Variants in KHDRBS2 observed in about 807,000 individuals in gnomAD.
KHDRBS2 encodes KH domain-containing, RNA-binding, signal transduction-associated protein 2.
Under a neutral mutation model 44.3 loss-of-function variants are expected in KHDRBS2, and 26 were observed. The observed-to-expected ratio is 0.59, with a 90% CI of 0.43 to 0.81. KHDRBS2 has a LOEUF of 0.81. KHDRBS2 is among the 40% of genes least tolerant of loss of function. The pLI is 0.00. For synonymous variants in KHDRBS2, 194 were observed against 151.1 expected, an observed-to-expected ratio of 1.28 and a Z score of -2.08; for missense variants, 476 against 433.1, an observed-to-expected ratio of 1.10 and a Z score of -0.88.
chr6:61,612,110 C>T, the KHDRBS2 span, among the ~76,000 whole-genome samples: 2 of 147,634 alleles, frequency 1.4e-5, no homozygotes, highest in Non-Finnish European at 1.5e-5. Flanking sequence ...TAGAAAAAAT[C>T]TTTAAAATAT....
At chr6:61,914,000 G>A (rs773078854) in intron 4 of KHDRBS2, among the ~76,000 whole-genome samples, 6 of 152,050 alleles carry the variant, frequency 3.9e-5, no homozygotes, top group Non-Finnish European at 8.8e-5. Context: ...ATAACAGAAG[G>A]CCTAAGGAAT....
intron 6 of KHDRBS2, among the ~76,000 whole-genome samples, chr6:61,808,010 A>T (rs1351596929): frequency 6.6e-6 from 1 of 152,102 alleles, no homozygotes; most frequent in Non-Finnish European, 1.5e-5. Context: ...TTTTTCAGTC[A>T]CTTAAAGCAA....
chr6:62,204,595 T>G (rs1437816601), intron 1 of KHDRBS2, among the ~76,000 whole-genome samples: 1 of 152,140 alleles, frequency 6.6e-6, no homozygotes, highest in East Asian at 1.9e-4. Flanking sequence ...TTTCAGATTT[T>G]GGATTTTCAG....
chr6:61,558,381 G>A, the KHDRBS2 span, among the ~76,000 whole-genome samples: 31,806 of 151,782 alleles, frequency 0.21, 3,581 homozygotes, highest in East Asian at 0.29. Flanking sequence ...GAGCAACATG[G>A]CAAAACCCTG....
the KHDRBS2 span, among the ~76,000 whole-genome samples, chr6:61,545,301 A>G: frequency 6.6e-5 from 10 of 152,108 alleles, no homozygotes; most frequent in African/African-American, 2.4e-4. Context: ...AAATACAAAA[A>G]GAAGTGATAG....
chr6:62,040,733 G>A (rs1450722051), intron 3 of KHDRBS2, among the ~76,000 whole-genome samples: 3 of 151,998 alleles, frequency 2.0e-5, no homozygotes, highest in Non-Finnish European at 4.4e-5. Flanking sequence ...TCCTTTCAAG[G>A]CACCTTTAAA....
At chr6:62,035,731 C>A (rs1219265603) in intron 3 of KHDRBS2, among the ~76,000 whole-genome samples, 2 of 151,934 alleles carry the variant, frequency 1.3e-5, no homozygotes, top group Non-Finnish European at 2.9e-5. Flanking sequence ...CACATTGCAT[C>A]CCTGTATCAA....
chr6:62,272,907 G>C (rs1437648746), intron 1 of KHDRBS2, among the ~76,000 whole-genome samples: 2 of 152,124 alleles, frequency 1.3e-5, no homozygotes, highest in African/African-American at 4.8e-5. Flanking sequence ...GGAGACTACA[G>C]GAGTTCTGTT....
At chr6:61,961,106 G>A (rs1012892485) in intron 4 of KHDRBS2, among the ~76,000 whole-genome samples, 3 of 152,078 alleles carry the variant, frequency 2.0e-5, no homozygotes, top group African/African-American at 7.2e-5. Context: ...TTTTCCTTAT[G>A]AGATCCCAAG....
chr6:62,109,343 T>G (rs1169493432), intron 2 of KHDRBS2, among the ~76,000 whole-genome samples: 1 of 151,942 alleles, frequency 6.6e-6, no homozygotes, highest in African/African-American at 2.4e-5. Context: ...AAATGAAAAT[T>G]CCTTATTTTT....
At chr6:61,956,144 A>T (rs1489378351) in intron 4 of KHDRBS2, among the ~76,000 whole-genome samples, 2 of 151,978 alleles carry the variant, frequency 1.3e-5, no homozygotes, top group African/African-American at 4.8e-5. Flanking sequence ...CAGTGAGCCG[A>T]GATTGCACCA....
At chr6:61,831,362 T>A (rs1270004491) in intron 6 of KHDRBS2, among the ~76,000 whole-genome samples, 1 of 151,302 alleles carries the variant, frequency 6.6e-6, no homozygotes, top group Non-Finnish European at 1.5e-5. Context: ...GTGTGTGTGG[T>A]GTGTGTGTGT....
chr6:61,632,425 G>A, the KHDRBS2 span, among the ~76,000 whole-genome samples: 1 of 152,098 alleles, frequency 6.6e-6, no homozygotes, highest in South Asian at 2.1e-4. Flanking sequence ...TCATGAATTA[G>A]AATGTGCACA....
At chr6:61,976,470 T>C (rs1289111233) in intron 4 of KHDRBS2, among the ~76,000 whole-genome samples, 4 of 152,188 alleles carry the variant, frequency 2.6e-5, no homozygotes, top group Non-Finnish European at 4.4e-5. Flanking sequence ...CATATATGTA[T>C]ATATACATAT....
intron 1 of KHDRBS2, among the ~76,000 whole-genome samples, chr6:62,209,831 C>A (rs1376488209): frequency 6.6e-6 from 1 of 152,168 alleles, no homozygotes; most frequent in East Asian, 1.9e-4. Flanking sequence ...GAACATCATA[C>A]TCCAAGTTCT....
chr6:61,888,656 G>T (rs921930607), intron 6 of KHDRBS2, among the ~76,000 whole-genome samples: 9 of 151,092 alleles, frequency 6.0e-5, no homozygotes, highest in Non-Finnish European at 1.2e-4. Context: ...CCGCCTCCCG[G>T]GTTCAAGTGA....
chr6:62,056,763 T>C (rs1195058798), intron 2 of KHDRBS2, among the ~76,000 whole-genome samples: 1 of 151,986 alleles, frequency 6.6e-6, no homozygotes, highest in African/African-American at 2.4e-5. Context: ...TCCAAAGTGA[T>C]GTCTCCACCA....
In KHDRBS2 at chr6:61,901,384, C is replaced by G. The variant is rs1308660132; in HGVS notation, c.484-13G>C. The G allele has an allele frequency of 6.3e-7, 1 of 1,595,476 alleles. No individual in the cohort carries two copies. The highest frequency in any genetic ancestry group is 1.4e-5 in the African/African-American group (1 of 72,782). On this transcript the variant is annotated splice_polypyrimidine_tract_variant and intron_variant, in intron 4 of 8. Transcript: ENST00000281156. ...CATCATTGTAGTCCTGGAGAAAAAA[C>G]ATGATGTGATGAGTTAAAAATGGGA...
chr6:61,969,719 T>A (rs775344996), intron 4 of KHDRBS2, among the ~76,000 whole-genome samples: 1 of 151,956 alleles, frequency 6.6e-6, no homozygotes, highest in Non-Finnish European at 1.5e-5. Flanking sequence ...AATAATTTCA[T>A]CAGATGGCAT....
Sources: gnomAD v4.1 joint callset for allele counts (sites outside exome capture counted in the v4.1 genomes callset) on GRCh38, gnomAD v4.1.1 for gene constraint, MANE v1.5 for transcripts, NCBI Gene and HGNC (gene_info 2026-07-23, HGNC 2026-07-21) for gene names.